The following VTCN1 variants were observed in gnomAD, a reference collection of about 807,000 sequenced individuals.
VTCN1 encodes the protein V-set domain-containing T-cell activation inhibitor 1.
VTCN1 carries 26 observed loss-of-function variants against 26.5 expected under a neutral mutation model. The observed-to-expected ratio is 0.98, with a 90% CI of 0.72 to 1.36. VTCN1 has a LOEUF of 1.36. Ranked by LOEUF, VTCN1 falls within the 40% of genes most tolerant of loss-of-function variation. The pLI is 0.00. For synonymous variants in VTCN1, 116 were observed against 130.7 expected (o/e 0.89, Z 0.77); for missense variants, 298 against 337.7 (o/e 0.88, Z 0.92).
In VTCN1 at chr1:117,183,886, C is replaced by T. The variant is rs1446798984; in HGVS notation, c.33-13715G>A. On this transcript the variant is annotated intron_variant, in intron 1 of 5. Transcript: ENST00000369458. The surrounding 1 kb of genome is among the most constrained non-coding windows in gnomAD (Gnocchi z 4.1). ...AGATTTGCAGAGGCTAAAAATGAAA[C>T]CAGCACATGAGTCCAGATCAGTAAG... 6.6e-6 allele frequency among the ~76,000 whole-genome samples: 1 copy of T among 152,062 alleles called. No homozygotes were observed. The highest frequency in any genetic ancestry group is 1.9e-4 in the East Asian group (1 of 5,192).
chr1:117,167,828 T>A lies in VTCN1; in HGVS notation c.97+2279A>T, dbSNP rs1387601905. ...TATTAATAAAGATAAAAGCCAAAAT[T>A]AGTAAAATAGGAATACAGATCAGAG... is the stretch of plus-strand genomic sequence containing the variant. On this transcript the variant is annotated intron_variant, in intron 2 of 5. Coordinates refer to ENST00000369458, the MANE Select transcript of VTCN1 (RefSeq NM_024626.4). The surrounding 1 kb of genome is among the most constrained non-coding windows in gnomAD (Gnocchi z 4.1). Among the ~76,000 whole-genome samples, 2 of 152,122 alleles carry A rather than the reference T, an allele frequency of 1.3e-5. No homozygotes were observed. The highest frequency in any genetic ancestry group is 2.9e-5 in the Non-Finnish European group (2 of 68,030).
chr1:117,174,206 A>G (rs1036847455), intron 1 of VTCN1, among the ~76,000 whole-genome samples: 1 of 152,186 alleles, frequency 6.6e-6, no homozygotes, highest in Non-Finnish European at 1.5e-5. Context: ...TCTTCTAACC[A>G]CTGCATTGGG....
At chr1:117,184,414 A>C (rs756237925) in intron 1 of VTCN1, among the ~76,000 whole-genome samples, 1 of 152,200 alleles carries the variant, frequency 6.6e-6, no homozygotes, top group Non-Finnish European at 1.5e-5. Flanking sequence ...AAAAGTGACC[A>C]GAGGGAAAAG....
At position 117,167,990 on chromosome 1, in the gene VTCN1, GAGAA is replaced by G. The variant is rs978460005; in HGVS notation, c.97+2113_97+2116del. Among the ~76,000 whole-genome samples the G allele has an allele frequency of 1.3e-5, 2 of 151,482 alleles. No homozygotes were observed. The highest frequency in any genetic ancestry group is 6.6e-5 in the Admixed American group (1 of 15,210). ...AAAAAGAGAAAGAGAGAAGACTAGA[GAGAA>G]AGAAAGAGAGAAAAAAAACCGAAAT... On this transcript the variant is annotated intron_variant, in intron 2 of 5. Transcript: ENST00000369458. The surrounding 1 kb of genome is among the most constrained non-coding windows in gnomAD (Gnocchi z 4.1).
intron 1 of VTCN1, among the ~76,000 whole-genome samples, chr1:117,205,092 T>TATATGTAC (rs1227150982): frequency 3.7e-4 from 2 of 5,404 alleles, no homozygotes; most frequent in Non-Finnish European, 4.9e-3. Flanking sequence ...TATATGTATG[T>TATATGTAC]ATGTATATGT....
intron 1 of VTCN1, among the ~76,000 whole-genome samples, chr1:117,194,512 C>T (rs1016889118): frequency 2.0e-5 from 3 of 152,192 alleles, no homozygotes; most frequent in Non-Finnish European, 4.4e-5. Flanking sequence ...GTCAATCTCA[C>T]TACTGGGTAT....
rs1348922233 is a variant in VTCN1, at chr1:117,146,325, T to A, written c.*46-1100A>T. Among the ~76,000 whole-genome samples, 1 of 152,178 alleles carries A rather than the reference T, an allele frequency of 6.6e-6. No individual in the cohort carries two copies. Among genetic ancestry groups the A allele is most frequent in the African/African-American group, 2.4e-5 (1 of 41,442 alleles). ...TGGAAATGATGAAAACTGGCGGGTTTCCTTACAAAGAATCTCCTTTGTTCA... is the reference window on the plus strand; with the variant it reads ...TGGAAATGATGAAAACTGGCGGGTTACCTTACAAAGAATCTCCTTTGTTCA... On this transcript the variant is annotated intron_variant, in intron 5 of 5. Coordinates refer to ENST00000369458, the MANE Select transcript of VTCN1 (RefSeq NM_024626.4). This position sits in a 1 kb window ranked among gnomAD's most constrained non-coding sequence, Gnocchi z 4.2.
At chr1:117,172,404 C>T (rs6657810) in intron 1 of VTCN1, 327,486 of 518,388 alleles carry the variant, frequency 0.63, 105,215 homozygotes, top group East Asian at 0.9. Flanking sequence ...TCCTCTTTTC[C>T]CACACCTCAG....
At chr1:117,176,577 C>T (rs963279456) in intron 1 of VTCN1, among the ~76,000 whole-genome samples, 1 of 152,174 alleles carries the variant, frequency 6.6e-6, no homozygotes, top group African/African-American at 2.4e-5. Flanking sequence ...CTGGGAGATA[C>T]CACATTCCTT....
chr1:117,185,307 G>A (rs1459134580), intron 1 of VTCN1, among the ~76,000 whole-genome samples: 1 of 152,172 alleles, frequency 6.6e-6, no homozygotes, highest in Non-Finnish European at 1.5e-5. Flanking sequence ...TAGGGTCTTG[G>A]TCCTTTGCCA....
At chr1:117,186,187 T>C (rs1647933749) in intron 1 of VTCN1, among the ~76,000 whole-genome samples, 1 of 152,184 alleles carries the variant, frequency 6.6e-6, no homozygotes, top group Non-Finnish European at 1.5e-5. Flanking sequence ...GCATGAGAGA[T>C]CTGAAAGGCA....
At chr1:117,191,182 T>C (rs1648225335) in intron 1 of VTCN1, among the ~76,000 whole-genome samples, 2 of 151,950 alleles carry the variant, frequency 1.3e-5, no homozygotes, top group Admixed American at 1.3e-4. Flanking sequence ...AGAAAAAAAA[T>C]CAATGAACTT....
At position 117,183,446 on chromosome 1, in the gene VTCN1, G is replaced by T. The variant is rs1647774836; in HGVS notation, c.33-13275C>A. Among the ~76,000 whole-genome samples the T allele has an allele frequency of 6.6e-6, 1 of 152,344 alleles. No individual in the cohort carries two copies. The highest frequency in any genetic ancestry group is 3.4e-3 in the Middle Eastern group (1 of 294). On this transcript the variant is annotated intron_variant, in intron 1 of 5. Transcript: ENST00000369458. The surrounding 1 kb of genome is among the most constrained non-coding windows in gnomAD (Gnocchi z 4.1). Reference sequence around the variant, plus strand: ...TTGAGAAACCATTTATGGGAGAAATGATCATTTATCTTTCTCTTTAAACAG... The same window carrying T: ...TTGAGAAACCATTTATGGGAGAAATTATCATTTATCTTTCTCTTTAAACAG...
At chr1:117,173,277 T>C (rs970390775) in intron 1 of VTCN1, 3 of 682,646 alleles carry the variant, frequency 4.4e-6, no homozygotes, top group Admixed American at 2.1e-5. Context: ...ATGTAGTTAG[T>C]TAAGGTCATA....
At chr1:117,151,581 C>T (rs1312005031) in intron 4 of VTCN1, among the ~76,000 whole-genome samples, 2 of 152,078 alleles carry the variant, frequency 1.3e-5, no homozygotes, top group African/African-American at 2.4e-5. Context: ...TTACAGAGTG[C>T]TGATTGGTTC....
At chr1:117,158,938 G>A (rs1458189803) in intron 2 of VTCN1, among the ~76,000 whole-genome samples, 1 of 152,174 alleles carries the variant, frequency 6.6e-6, no homozygotes, top group Non-Finnish European at 1.5e-5. Flanking sequence ...AACATAACAA[G>A]AGTCACCTTT....
chr1:117,176,297 G>A (rs1001200325), intron 1 of VTCN1, among the ~76,000 whole-genome samples: 1 of 152,210 alleles, frequency 6.6e-6, no homozygotes, highest in Non-Finnish European at 1.5e-5. Flanking sequence ...GGGAATGTCA[G>A]GTCTCAATTT....
At chr1:117,196,580 A>T (rs148225056) in intron 1 of VTCN1, among the ~76,000 whole-genome samples, 1,730 of 152,090 alleles carry the variant, frequency 0.011, 19 homozygotes, top group Non-Finnish European at 0.017. Context: ...ATATGTTAAA[A>T]AAGAAAACTC....
intron 1 of VTCN1, among the ~76,000 whole-genome samples, chr1:117,182,014 G>A (rs1271201435): frequency 6.6e-6 from 1 of 152,138 alleles, no homozygotes. Flanking sequence ...GCCTGTCACT[G>A]AAGAGATTCA....
Sources: gnomAD v4.1 joint callset for allele counts (sites outside exome capture counted in the v4.1 genomes callset) on GRCh38, gnomAD v4.1.1 for gene constraint, Gnocchi (gnomAD v3.1) non-coding constraint, MANE v1.5 for transcripts, NCBI Gene and HGNC (gene_info 2026-07-23, HGNC 2026-07-21) for gene names.